TENM2: variants seen among roughly 807,000 people sequenced by gnomAD.
The protein encoded by TENM2 is teneurin transmembrane protein 2.
Under a neutral mutation model 245.2 loss-of-function variants are expected in TENM2, and 52 were observed. That is an observed-to-expected ratio of 0.21 (90% CI 0.17 to 0.27). The LOEUF (loss-of-function observed/expected upper bound fraction) is 0.27, where lower values mean the gene tolerates loss of function less well. TENM2 is among the 10% of genes least tolerant of loss of function. The probability of loss-of-function intolerance (pLI) is 1.00; values close to 1 mark genes in which losing one functional copy is unlikely to be tolerated. For missense variants in TENM2, 3,046 were observed against 3,666.8 expected (o/e 0.83, Z 4.37); for synonymous variants, 1,363 against 1,438.9 (o/e 0.95, Z 1.19).
intron 2 of TENM2, among the ~76,000 whole-genome samples, chr5:167,732,241 A>G (rs1479791153): frequency 6.6e-6 from 1 of 152,206 alleles, no homozygotes; most frequent in East Asian, 1.9e-4. Flanking sequence ...AGCAGGCTGT[A>G]GAAAAATCAC....
chr5:167,174,146 T>G, the TENM2 span, among the ~76,000 whole-genome samples: 1 of 151,808 alleles, frequency 6.6e-6, no homozygotes, highest in East Asian at 1.9e-4. Context: ...GTTCTACAAC[T>G]GAGAAAATTA....
intron 1 of TENM2, among the ~76,000 whole-genome samples, chr5:167,340,938 G>A (rs1466102864): frequency 6.6e-6 from 1 of 152,166 alleles, no homozygotes; most frequent in African/African-American, 2.4e-5. Flanking sequence ...AAGTCAGAAT[G>A]GAGAAGAAGT....
the TENM2 span, among the ~76,000 whole-genome samples, chr5:167,035,217 C>T: frequency 1.3e-5 from 2 of 151,844 alleles, no homozygotes; most frequent in Admixed American, 6.6e-5. Flanking sequence ...ACATTAATTA[C>T]ACTCTATTGG....
intron 2 of TENM2, among the ~76,000 whole-genome samples, chr5:167,446,988 A>C (rs1268417034): frequency 6.6e-6 from 1 of 152,240 alleles, no homozygotes; most frequent in Non-Finnish European, 1.5e-5. Context: ...CCAAAACTCG[A>C]AATGCTCCAA....
intron 2 of TENM2, among the ~76,000 whole-genome samples, chr5:167,449,518 A>AGAT (rs70976427): frequency 0.24 from 5,007 of 20,776 alleles, 117 homozygotes; most frequent in Admixed American, 0.39. Context: ...GCAGATAGAT[A>AGAT]GATAGATAGA....
chr5:167,544,396 G>A (rs1018417820), intron 2 of TENM2, among the ~76,000 whole-genome samples: 2 of 152,110 alleles, frequency 1.3e-5, no homozygotes, highest in Non-Finnish European at 2.9e-5. Context: ...GTGCCATTTA[G>A]CATAATAATA....
At chr5:167,185,880 G>A in the TENM2 span, among the ~76,000 whole-genome samples, 3 of 152,070 alleles carry the variant, frequency 2.0e-5, no homozygotes, top group Admixed American at 1.3e-4. Flanking sequence ...TAGCAATTAT[G>A]TTCTCTCCTA....
chr5:167,421,629 C>A (rs564934396), intron 2 of TENM2, among the ~76,000 whole-genome samples: 23 of 152,304 alleles, frequency 1.5e-4, no homozygotes, highest in Admixed American at 1.4e-3. Context: ...GGCTCTTCCA[C>A]GTCCATTAGC....
At chr5:168,024,022 C>T (rs1458809001) in intron 5 of TENM2, among the ~76,000 whole-genome samples, 1 of 152,052 alleles carries the variant, frequency 6.6e-6, no homozygotes, top group African/African-American at 2.4e-5. Context: ...CATACATATG[C>T]ATTTATAGAT....
At chr5:168,188,668 G>A (rs752341137) in intron 13 of TENM2, among the ~76,000 whole-genome samples, 4 of 152,158 alleles carry the variant, frequency 2.6e-5, no homozygotes, top group Non-Finnish European at 5.9e-5. Context: ...GCATTAAGAG[G>A]TCATTAATTC....
intron 2 of TENM2, among the ~76,000 whole-genome samples, chr5:167,382,293 G>C (rs1761135652): frequency 6.6e-6 from 1 of 152,192 alleles, no homozygotes. Flanking sequence ...TATGGGGTCT[G>C]TAACAATGAA....
At chr5:167,503,995 ACAGT>A (rs1353088794) in intron 2 of TENM2, among the ~76,000 whole-genome samples, 2 of 152,180 alleles carry the variant, frequency 1.3e-5, no homozygotes, top group East Asian at 1.9e-4. Context: ...AAAAATGGGG[ACAGT>A]CAGTTTGATC....
At chr5:168,201,072 A>G (rs1761895137) in intron 17 of TENM2, among the ~76,000 whole-genome samples, 1 of 152,068 alleles carries the variant, frequency 6.6e-6, no homozygotes, top group Non-Finnish European at 1.5e-5. Flanking sequence ...AGGCACCCTC[A>G]TAACCCCATT....
At chr5:167,853,289 C>CAAAAAAA (rs777170514) in intron 2 of TENM2, among the ~76,000 whole-genome samples, 817 of 24,590 alleles carry the variant, frequency 0.033, 167 homozygotes, top group Non-Finnish European at 0.048. Flanking sequence ...GACTCCGTCT[C>CAAAAAAA]AAAAAAAAAA....
chr5:167,713,325 G>A (rs75223887), intron 2 of TENM2, among the ~76,000 whole-genome samples: 5,719 of 150,998 alleles, frequency 0.038, 394 homozygotes, highest in East Asian at 0.26. Flanking sequence ...TTCCCATCCT[G>A]TAGTACTCCC....
At chr5:167,560,512 G>C (rs1427716077) in intron 2 of TENM2, among the ~76,000 whole-genome samples, 1 of 152,222 alleles carries the variant, frequency 6.6e-6, no homozygotes, top group African/African-American at 2.4e-5. Context: ...AGTGCCACCT[G>C]TAAGGGAGCT....
the TENM2 span, among the ~76,000 whole-genome samples, chr5:167,185,915 C>T: frequency 6.6e-6 from 1 of 152,106 alleles, no homozygotes; most frequent in Non-Finnish European, 1.5e-5. Context: ...GAAATTACTA[C>T]CCGCTGCTCC....
At chr5:167,418,755 A>G (rs954658477) in intron 2 of TENM2, among the ~76,000 whole-genome samples, 3 of 152,194 alleles carry the variant, frequency 2.0e-5, no homozygotes, top group Admixed American at 1.3e-4. Context: ...GGAAGAGTTC[A>G]TTATTCTTAT....
chr5:167,513,962 C>G (rs1307722523), intron 2 of TENM2, among the ~76,000 whole-genome samples: 1 of 152,078 alleles, frequency 6.6e-6, no homozygotes, highest in Non-Finnish European at 1.5e-5. Flanking sequence ...TGTAGGGTCT[C>G]CTCTTTAGTC....
Sources: gnomAD v4.1 joint callset for allele counts (sites outside exome capture counted in the v4.1 genomes callset) on GRCh38, gnomAD v4.1.1 for gene constraint, MANE v1.5 for transcripts, NCBI Gene and HGNC (gene_info 2026-07-23, HGNC 2026-07-21) for gene names.